Variants in DDX43 observed in about 807,000 individuals in gnomAD.
DDX43 encodes the protein probable ATP-dependent RNA helicase DDX43.
A neutral mutation model predicts 84.9 loss-of-function variants in DDX43; 50 were observed. That is an observed-to-expected ratio of 0.59 (90% confidence interval 0.47 to 0.75). DDX43 has a LOEUF of 0.75. Among genes scored for constraint, DDX43 ranks in the 30% least tolerant of loss-of-function variants. The probability of loss-of-function intolerance (pLI) is 0.00; values close to 1 mark genes in which losing one functional copy is unlikely to be tolerated. For missense variants in DDX43, 689 were observed against 798.6 expected (o/e 0.86, Z 1.65); for synonymous variants, 291 against 266.3 (o/e 1.09, Z -0.90).
chr6:73,411,269 T>C (rs908895857), intron 10 of DDX43, among the ~76,000 whole-genome samples: 2 of 151,470 alleles, frequency 1.3e-5, no homozygotes, highest in South Asian at 2.1e-4. Flanking sequence ...TTGTCGTTTA[T>C]AAAGGCCAGG....
intron 1 of DDX43, 109 bp from the exon 2 acceptor site, chr6:73,397,580 A>C: frequency 1.2e-6 from 1 of 856,170 alleles, no homozygotes; most frequent in Non-Finnish European, 1.9e-6. Flanking sequence ...GTTGAACCCT[A>C]GGAGCATTTG....
At chr6:73,409,191 T>C (rs1448909508) in intron 9 of DDX43, 57 bp from the exon 10 acceptor site, 7 of 1,255,964 alleles carry the variant, frequency 5.6e-6, no homozygotes, top group Admixed American at 1.7e-5. Flanking sequence ...AGAAAGCATA[T>C]GTATTATTAC....
In DDX43 at chr6:73,416,156, C is replaced by A. The variant is rs760305696; in HGVS notation, c.1877C>A (p.Ala626Glu). The change falls in exon 16 of 17, where the codon GCA becomes GAA. Residue 626 changes from alanine to glutamate, a missense_variant. This residue lies in a region of DDX43 where 552 missense variants were observed against 692.7 expected (regional missense o/e 0.80). Transcript: ENST00000370336. ...GTATCAATGGCTGAGAGGTTTAAGG[C>A]ACATCAACAGAAAAGGGAAATGGAA... ...ELVSMAERFK[A>E]HQQKREMERK... The A allele has an allele frequency of 1.9e-6, 3 of 1,595,590 alleles. No individual in the cohort carries two copies. Among genetic ancestry groups the A allele is most frequent in the Non-Finnish European group, 2.6e-6 (3 of 1,163,084 alleles).
chr6:73,395,491 G>A (rs1186719997), intron 1 of DDX43, among the ~76,000 whole-genome samples: 1 of 151,946 alleles, frequency 6.6e-6, no homozygotes, highest in African/African-American at 2.4e-5. Context: ...GCGCGCGCCT[G>A]TAATCCCAGA....
At chr6:73,398,886 A>G (rs1003543582) in intron 2 of DDX43, among the ~76,000 whole-genome samples, 1 of 152,160 alleles carries the variant, frequency 6.6e-6, no homozygotes, top group Admixed American at 6.5e-5. Flanking sequence ...CACTAACTGT[A>G]TGTCCTGCTT....
chr6:73,405,272 G>A (rs1769655098), intron 5 of DDX43, among the ~76,000 whole-genome samples: 1 of 152,168 alleles, frequency 6.6e-6, no homozygotes, highest in African/African-American at 2.4e-5. Flanking sequence ...GAGGAGCAGG[G>A]TAACTTACTG....
Position 73,402,000 on chromosome 6 carries a change from G to A in DDX43, c.568+10G>A, listed in dbSNP as rs779466886. ...AAAACAAAGTGGGCAGGTCAGTGCT[G>A]CTTCCTAATATTTACATATATTGTT... On this transcript the variant is annotated intron_variant, in intron 4 of 16. Transcript: ENST00000370336. 30 of 1,613,030 alleles carry A rather than the reference G, an allele frequency of 1.9e-5. No individual in the cohort carries two copies. The East Asian group carries it at 6.5e-4, about 35-fold the overall frequency.
intron 5 of DDX43, among the ~76,000 whole-genome samples, chr6:73,405,149 A>G (rs902995181): frequency 6.6e-6 from 1 of 152,116 alleles, no homozygotes; most frequent in African/African-American, 2.4e-5. Flanking sequence ...TTAATTTCTT[A>G]AACTCTTCAG....
intron 11 of DDX43, among the ~76,000 whole-genome samples, chr6:73,412,668 T>TGTGTGCGC (rs538597626): frequency 0.03 from 3,228 of 108,000 alleles, 150 homozygotes; most frequent in Middle Eastern, 0.055. Context: ...TGTGTGTGTG[T>TGTGTGCGC]GCGCGCGCGC....
chr6:73,397,214 CT>C (rs1338093688), intron 1 of DDX43, among the ~76,000 whole-genome samples: 3 of 152,116 alleles, frequency 2.0e-5, no homozygotes, highest in African/African-American at 4.8e-5. Flanking sequence ...CTTACCAACA[CT>C]TTTTTTCTGT....
At chr6:73,411,000 C>T (rs1005306479) in intron 10 of DDX43, among the ~76,000 whole-genome samples, 26 of 151,780 alleles carry the variant, frequency 1.7e-4, no homozygotes, top group African/African-American at 6.3e-4. Context: ...TCCTGGCTAA[C>T]ACGGTGAAAC....
In DDX43 at chr6:73,414,696, C is replaced by T. The variant is rs771022351; in HGVS notation, c.1745+10C>T. The T allele has an allele frequency of 6.2e-7, 1 of 1,603,334 alleles. No homozygotes were observed. Among genetic ancestry groups the T allele is most frequent in the Admixed American group, 1.7e-5 (1 of 57,546 alleles). On this transcript the variant is annotated intron_variant, in intron 14 of 16. Transcript: ENST00000370336. Reference sequence around the variant, plus strand: ...GCACGGGAAGAGCAGGGTAAGTAAGCTTAGTCCACCCATGAAAGGCCAATT... The same window carrying T: ...GCACGGGAAGAGCAGGGTAAGTAAGTTTAGTCCACCCATGAAAGGCCAATT...
chr6:73,415,621 T>C (rs764418571), intron 15 of DDX43, 37 bp downstream of exon 15: 7 of 1,427,982 alleles, frequency 4.9e-6, no homozygotes, highest in South Asian at 2.4e-5. Context: ...CTACCTGTTA[T>C]CAGTATCTCA....
chr6:73,402,093 G>C, intron 4 of DDX43, 103 bp downstream of exon 4: 3 of 1,445,036 alleles, frequency 2.1e-6, no homozygotes, highest in Non-Finnish European at 2.8e-6. Flanking sequence ...AAATGTATAT[G>C]AAAATAGTAA....
At chr6:73,409,227 C>A in intron 9 of DDX43, 21 bp from the exon 10 acceptor site, 1 of 1,588,584 alleles carries the variant, frequency 6.3e-7, no homozygotes, top group Non-Finnish European at 8.6e-7. Context: ...AATCTAACCA[C>A]ATTCTTTTTT....
intron 10 of DDX43, among the ~76,000 whole-genome samples, chr6:73,410,185 T>C (rs987846573): frequency 1.3e-5 from 2 of 152,222 alleles, no homozygotes; most frequent in Admixed American, 1.3e-4. Flanking sequence ...TTTATTTATT[T>C]TGAGACAAAG....
chr6:73,412,668 T>TGTGTGTGTGTGTGA, intron 11 of DDX43, among the ~76,000 whole-genome samples: 1 of 108,464 alleles, frequency 9.2e-6, no homozygotes, highest in South Asian at 3.2e-4. Context: ...TGTGTGTGTG[T>TGTGTGTGTGTGTGA]GCGCGCGCGC....
chr6:73,402,101 T>A, intron 4 of DDX43, 111 bp downstream of exon 4: 1 of 1,355,958 alleles, frequency 7.4e-7, no homozygotes, highest in Non-Finnish European at 1.0e-6. Flanking sequence ...ATGAAAATAG[T>A]AAAATCTAAA....
Position 73,401,849 on chromosome 6 carries a change from T to C in DDX43, c.437-10T>C. ...AGAAAAAAACTAATCGATACAAATG[T>C]TTTTAACAGATACTGCATTCCAACC... On this transcript the variant is annotated splice_polypyrimidine_tract_variant and intron_variant, in intron 3 of 16. Coordinates refer to ENST00000370336, the MANE Select transcript of DDX43 (RefSeq NM_018665.3). 1 of 1,604,046 alleles carries C rather than the reference T, an allele frequency of 6.2e-7. No individual in the cohort carries two copies. Among genetic ancestry groups the C allele is most frequent in the Non-Finnish European group, 8.5e-7 (1 of 1,177,028 alleles).
Sources: allele counts gnomAD v4.1 joint callset (sites outside exome capture counted in the v4.1 genomes callset), GRCh38; gene constraint gnomAD v4.1.1; regional missense constraint gnomAD v4.1.1; transcripts MANE v1.5; gene names NCBI Gene and HGNC (gene_info 2026-07-23, HGNC 2026-07-21).